The following SEMA3D variants were observed in gnomAD, a reference collection of about 807,000 sequenced individuals.
SEMA3D encodes semaphorin-3D.
A neutral mutation model predicts 100.1 loss-of-function variants in SEMA3D; 84 were observed. That is an observed-to-expected ratio of 0.84 (90% CI 0.70 to 1.01). The LOEUF is 1.01. Ranked by LOEUF, SEMA3D falls within the 50% of genes least tolerant of loss-of-function variation. SEMA3D has a pLI of 0.00. For synonymous variants in SEMA3D, 312 were observed against 320.7 expected, an observed-to-expected ratio of 0.97 and a Z score of 0.29; for missense variants, 875 against 934.1, an observed-to-expected ratio of 0.94 and a Z score of 0.82.
At chr7:85,192,961 C>T in the SEMA3D span, among the ~76,000 whole-genome samples, 1 of 152,038 alleles carries the variant, frequency 6.6e-6, no homozygotes, top group African/African-American at 2.4e-5. Flanking sequence ...TTAAAACTTA[C>T]AATTCTAAGA....
chr7:85,081,635 C>G (rs141793461), intron 4 of SEMA3D, 56 bp from the exon 5 acceptor site: 2 of 1,129,176 alleles, frequency 1.8e-6, no homozygotes, highest in East Asian at 4.7e-5. Context: ...CCCTAACACT[C>G]TGCAATTCTG....
Position 85,140,084 on chromosome 7 carries a change from A to G in SEMA3D, c.-41+13524T>C, listed in dbSNP as rs544446914. The G allele has an allele frequency of 8.5e-5, 31 of 363,812 alleles. 1 individual carries two copies. Among genetic ancestry groups the G allele is most frequent in the Middle Eastern group, 2.8e-3 (2 of 704 alleles). 22.5% of individuals were successfully genotyped at this position (363,812 alleles called of 1,614,324 possible). ...TACTATTAATTACATTAATATATTA[A>G]CAATATATTACTGCAGACTACTATT... On this transcript the variant is annotated intron_variant, in intron 2 of 18. Coordinates refer to ENST00000284136, the MANE Select transcript of SEMA3D (RefSeq NM_001384900.1).
chr7:85,006,524 C>T (rs557236267), intron 18 of SEMA3D, among the ~76,000 whole-genome samples: 2 of 151,658 alleles, frequency 1.3e-5, no homozygotes, highest in African/African-American at 4.8e-5. Context: ...GGATTTGTTC[C>T]TAAATATAGG....
At chr7:85,130,661 T>C (rs1189428677) in intron 2 of SEMA3D, among the ~76,000 whole-genome samples, 1 of 152,182 alleles carries the variant, frequency 6.6e-6, no homozygotes, top group Non-Finnish European at 1.5e-5. Context: ...GGTTTAACTC[T>C]GCTATTGAGA....
chr7:85,091,851 G>T (rs1283889233), intron 4 of SEMA3D, among the ~76,000 whole-genome samples: 3 of 152,032 alleles, frequency 2.0e-5, no homozygotes. Context: ...GACTATTAAA[G>T]TTCTTCTTTT....
At chr7:85,202,212 C>A in the SEMA3D span, among the ~76,000 whole-genome samples, 1 of 100,650 alleles carries the variant, frequency 9.9e-6, no homozygotes, top group Non-Finnish European at 1.9e-5. Flanking sequence ...TCCCCCCTCC[C>A]CCCACCCCAC....
intron 3 of SEMA3D, among the ~76,000 whole-genome samples, chr7:85,103,743 TG>T: frequency 6.6e-6 from 1 of 152,200 alleles, no homozygotes; most frequent in Non-Finnish European, 1.5e-5. Context: ...AACACAGTTT[TG>T]GAAAAAACTA....
At position 85,150,091 on chromosome 7, in the gene SEMA3D, C is replaced by T. The variant is rs114121269; in HGVS notation, c.-41+3517G>A. Reference sequence around the variant, plus strand: ...GAAGTTGTACGGTGCCCAACACATACGCACTCACCATTAGTAAGTAATTCA... The same window carrying T: ...GAAGTTGTACGGTGCCCAACACATATGCACTCACCATTAGTAAGTAATTCA... On this transcript the variant is annotated intron_variant, in intron 2 of 18. Transcript: ENST00000284136. Among the ~76,000 whole-genome samples, 857 of 151,876 alleles carry T rather than the reference C, an allele frequency of 5.6e-3. 10 individuals carry two copies. The highest frequency in any genetic ancestry group is 0.019 in the African/African-American group (770 of 41,416).
chr7:85,191,390 AT>A (rs5885455), upstream of SEMA3D, among the ~76,000 whole-genome samples: 99,668 of 151,970 alleles, frequency 0.66, 33,277 homozygotes, highest in East Asian at 0.92. Flanking sequence ...TATGCACAAT[AT>A]AAAAAATCAT....
chr7:85,057,007 T>A (rs1562799834), intron 8 of SEMA3D, among the ~76,000 whole-genome samples: 2 of 151,274 alleles, frequency 1.3e-5, no homozygotes, highest in Admixed American at 6.6e-5. Flanking sequence ...TGATAAGCAT[T>A]ATCATTACGA....
At chr7:85,166,549 A>G (rs1790911084) in intron 1 of SEMA3D, among the ~76,000 whole-genome samples, 1 of 151,950 alleles carries the variant, frequency 6.6e-6, no homozygotes, top group Admixed American at 6.6e-5. Flanking sequence ...ACACATATTA[A>G]CTCAATCCAC....
intron 18 of SEMA3D, among the ~76,000 whole-genome samples, chr7:85,002,899 A>C (rs529496166): frequency 1.3e-4 from 20 of 152,280 alleles, no homozygotes; most frequent in Admixed American, 1.2e-3. Flanking sequence ...TTATAATAGC[A>C]GCCTAATAGT....
Position 84,998,509 on chromosome 7 carries a change from AT to A in SEMA3D, c.*930del, listed in dbSNP as rs1202377536. ...ACCCTAGTGAAAAGAGCTCCATTAC[AT>A]TACTCTCACTTTATTTGTGATTGTT... is the stretch of plus-strand genomic sequence containing the variant. On this transcript the variant is annotated 3_prime_UTR_variant, in exon 19 of 19. Transcript: ENST00000284136. 6.6e-6 allele frequency: 1 copy of A among 152,064 alleles called. No individual in the cohort carries two copies. The highest frequency in any genetic ancestry group is 2.4e-5 in the African/African-American group (1 of 41,412). 9.4% of individuals were successfully genotyped at this position (152,064 alleles called of 1,614,324 possible).
chr7:85,056,711 A>G (rs1791327927), intron 8 of SEMA3D, among the ~76,000 whole-genome samples: 1 of 150,212 alleles, frequency 6.7e-6, no homozygotes, highest in Non-Finnish European at 1.5e-5. Flanking sequence ...TTTACAGTAC[A>G]AAAGCCAGTA....
chr7:85,164,193 G>A (rs561253341), intron 1 of SEMA3D, among the ~76,000 whole-genome samples: 1 of 152,168 alleles, frequency 6.6e-6, no homozygotes, highest in East Asian at 1.9e-4. Flanking sequence ...TTTTCATAAC[G>A]TTGCTACATG....
intron 8 of SEMA3D, among the ~76,000 whole-genome samples, chr7:85,059,705 C>G (rs912654298): frequency 6.6e-6 from 1 of 152,126 alleles, no homozygotes; most frequent in Non-Finnish European, 1.5e-5. Flanking sequence ...GCTTATAAAG[C>G]TTTCCTCAAT....
intron 3 of SEMA3D, among the ~76,000 whole-genome samples, chr7:85,101,020 G>T (rs980607521): frequency 5.3e-5 from 8 of 151,930 alleles, no homozygotes; most frequent in Admixed American, 5.3e-4. Flanking sequence ...AGACCCAATG[G>T]TGTAATATAT....
chr7:85,194,586 A>G, the SEMA3D span, among the ~76,000 whole-genome samples: 26,326 of 152,110 alleles, frequency 0.17, 2,646 homozygotes, highest in Non-Finnish European at 0.23. Context: ...ATTTCAATCC[A>G]GGGTTCTACA....
the SEMA3D span, among the ~76,000 whole-genome samples, chr7:85,194,640 G>C: frequency 6.6e-6 from 1 of 152,026 alleles, no homozygotes; most frequent in Non-Finnish European, 1.5e-5. Context: ...TTCAAAGAGG[G>C]CTTAAATAAA....
Sources: allele counts gnomAD v4.1 joint callset (sites outside exome capture counted in the v4.1 genomes callset), GRCh38; gene constraint gnomAD v4.1.1; transcripts MANE v1.5; gene names NCBI Gene and HGNC (gene_info 2026-07-23, HGNC 2026-07-21).